Variants in HS6ST2 observed in about 807,000 individuals in gnomAD.
HS6ST2 encodes the protein heparan-sulfate 6-O-sulfotransferase 2.
HS6ST2 carries 17 observed loss-of-function variants against 33.0 expected under a neutral mutation model. That is an observed-to-expected ratio of 0.52 (90% CI 0.35 to 0.77). The LOEUF (loss-of-function observed/expected upper bound fraction) is 0.77, where lower values mean the gene tolerates loss of function less well. Ranked by LOEUF, HS6ST2 falls within the 30% of genes least tolerant of loss-of-function variation. HS6ST2 has a pLI of 0.01. For missense variants in HS6ST2, 519 were observed against 551.7 expected (o/e 0.94, Z 0.59); for synonymous variants, 248 against 237.1 (o/e 1.05, Z -0.42).
At chrX:132,812,420 T>C (rs756242613) in intron 2 of HS6ST2, among the ~76,000 whole-genome samples, 80 of 101,560 alleles carry the variant, frequency 7.9e-4, no homozygotes, top group African/African-American at 2.4e-3. Flanking sequence ...ATAATAATAA[T>C]AATAATAATA....
intron 2 of HS6ST2, among the ~76,000 whole-genome samples, chrX:132,763,013 C>A (rs961941972): frequency 8.9e-6 from 1 of 111,982 alleles, no homozygotes; most frequent in African/African-American, 3.2e-5. Flanking sequence ...ATATGATCCT[C>A]ACTAGGTTGT....
chrX:132,661,909 G>C (rs753937144), intron 4 of HS6ST2, among the ~76,000 whole-genome samples: 1 of 110,667 alleles, frequency 9.0e-6, no homozygotes, highest in Non-Finnish European at 1.9e-5. Flanking sequence ...AGTCGTATCA[G>C]TTACTTGGGA....
At chrX:132,928,570 A>C (rs2066732894) in intron 2 of HS6ST2, among the ~76,000 whole-genome samples, 1 of 111,037 alleles carries the variant, frequency 9.0e-6, no homozygotes, top group South Asian at 3.9e-4. Flanking sequence ...TCAACATGAG[A>C]TTTGGGCAGA....
intron 2 of HS6ST2, among the ~76,000 whole-genome samples, chrX:132,823,853 A>AAATAATAATAATAAT (rs34008866): frequency 0.11 from 9,733 of 92,378 alleles, 538 homozygotes; most frequent in Non-Finnish European, 0.14. Context: ...ACTTCATAAA[A>AAATAATAATAATAAT]AATAATAATA....
At chrX:132,937,665 C>T (rs1055019745) in intron 2 of HS6ST2, among the ~76,000 whole-genome samples, 1 of 111,419 alleles carries the variant, frequency 9.0e-6, no homozygotes, top group Admixed American at 9.6e-5. Flanking sequence ...TAAAACTGGA[C>T]CCTTAGCCCT....
At chrX:132,872,556 T>C (rs1163584630) in intron 2 of HS6ST2, among the ~76,000 whole-genome samples, 3 of 112,102 alleles carry the variant, frequency 2.7e-5, no homozygotes, top group African/African-American at 9.7e-5. Flanking sequence ...CAAAATCAAG[T>C]GCTTCTGTAG....
At chrX:132,790,929 G>T (rs965261690) in intron 2 of HS6ST2, among the ~76,000 whole-genome samples, 6 of 111,326 alleles carry the variant, frequency 5.4e-5, no homozygotes, top group Non-Finnish European at 1.1e-4. Context: ...ATGACTTGAG[G>T]CCAGAAGTTC....
chrX:132,811,096 A>G (rs1178429067), intron 2 of HS6ST2, among the ~76,000 whole-genome samples: 1 of 112,357 alleles, frequency 8.9e-6, no homozygotes, highest in Non-Finnish European at 1.9e-5. Context: ...ATTGTTTCTC[A>G]TGCACTTTCA....
intron 2 of HS6ST2, among the ~76,000 whole-genome samples, chrX:132,753,849 G>T (rs1022726432): frequency 8.9e-6 from 1 of 111,886 alleles, no homozygotes; most frequent in African/African-American, 3.2e-5. Context: ...CTTTTTCAAA[G>T]AATGTTTTGT....
At chrX:132,787,892 A>G (rs1227033119) in intron 2 of HS6ST2, among the ~76,000 whole-genome samples, 1 of 106,629 alleles carries the variant, frequency 9.4e-6, no homozygotes, top group East Asian at 3.0e-4. Context: ...CTCCATCTCA[A>G]AAAAAAAAAA....
chrX:132,878,950 C>A (rs746747179), intron 2 of HS6ST2, among the ~76,000 whole-genome samples: 1 of 111,237 alleles, frequency 9.0e-6, no homozygotes, highest in Non-Finnish European at 1.9e-5. Context: ...ACCCCATTTC[C>A]AAGATGAAGA....
Position 132,901,375 on chromosome X carries a change from T to C in HS6ST2, c.947+55433A>G, listed in dbSNP as rs182013047. 1.2e-3 allele frequency among the ~76,000 whole-genome samples: 131 copies of C among 111,860 alleles called. 2 individuals are homozygous for C. Among genetic ancestry groups the C allele is most frequent in the Non-Finnish European group, 2.4e-4 (13 of 53,202 alleles). The stretch of plus-strand genomic sequence containing the variant: ...ACTAATACTAAATTGTTATATATTG[T>C]ATGTCCTGGAATAAACACCAGGAAA... On this transcript the variant is annotated intron_variant, in intron 2 of 4. Transcript: ENST00000370833.
In HS6ST2 at chrX:132,807,646, A is replaced by G. The variant is rs1201936795; in HGVS notation, c.948-99152T>C. 5.3e-5 allele frequency among the ~76,000 whole-genome samples: 6 copies of G among 112,233 alleles called. No homozygotes were observed. The South Asian group carries it at 1.9e-3, about 35-fold the overall frequency. On this transcript the variant is annotated intron_variant, in intron 2 of 4. Transcript: ENST00000370833. ...TGAAAATGTTAACACCTTAAAAGAC[A>G]TAGAAGGATTCAGGAAACAGCTGAT...
At chrX:132,850,222 T>G (rs752827154) in intron 2 of HS6ST2, among the ~76,000 whole-genome samples, 1 of 112,368 alleles carries the variant, frequency 8.9e-6, no homozygotes, top group African/African-American at 3.2e-5. Flanking sequence ...TCTTTTTCTT[T>G]TAAAGCCCAC....
chrX:132,759,152 T>A (rs1051247108), intron 2 of HS6ST2, among the ~76,000 whole-genome samples: 4 of 112,158 alleles, frequency 3.6e-5, no homozygotes, highest in African/African-American at 6.5e-5. Context: ...AACCTCTTCC[T>A]AGGCTTTACC....
intron 2 of HS6ST2, among the ~76,000 whole-genome samples, chrX:132,874,917 GC>G (rs201399730): frequency 1.3e-4 from 14 of 111,439 alleles, no homozygotes; most frequent in African/African-American, 4.6e-4. Flanking sequence ...GAAGGGGGGG[GC>G]GGCCCATGGC....
intron 2 of HS6ST2, among the ~76,000 whole-genome samples, chrX:132,883,578 T>A (rs1369294440): frequency 1.8e-5 from 2 of 111,276 alleles, no homozygotes; most frequent in Non-Finnish European, 3.8e-5. Flanking sequence ...AGTAACTCCA[T>A]CTTAGAAAAA....
intron 2 of HS6ST2, among the ~76,000 whole-genome samples, chrX:132,811,720 ATAT>A (rs1311833575): frequency 4.4e-5 from 4 of 91,949 alleles, no homozygotes; most frequent in Non-Finnish European, 8.6e-5. Flanking sequence ...ATATATATAT[ATAT>A]ATCACATTTT....
intron 4 of HS6ST2, among the ~76,000 whole-genome samples, chrX:132,649,227 T>C (rs1301151904): frequency 8.9e-6 from 1 of 112,018 alleles, no homozygotes; most frequent in African/African-American, 3.2e-5. Flanking sequence ...TACAAACTGC[T>C]GCTCTGGGAG....
Sources: allele counts gnomAD v4.1 joint callset (sites outside exome capture counted in the v4.1 genomes callset), GRCh38; gene constraint gnomAD v4.1.1; transcripts MANE v1.5; gene names NCBI Gene and HGNC (gene_info 2026-07-23, HGNC 2026-07-21).